Variants in PLB1 observed in about 807,000 individuals in gnomAD.
The protein encoded by PLB1 is phospholipase B1, membrane-associated.
Under a neutral mutation model 227.4 loss-of-function variants are expected in PLB1, and 242 were observed. That is an observed-to-expected ratio of 1.06 (90% CI 0.96 to 1.18). The LOEUF is 1.18. Ranked by LOEUF, PLB1 falls within the 50% of genes most tolerant of loss-of-function variation. The pLI is 0.00. For missense variants in PLB1, 1,858 were observed against 1,816.3 expected (o/e 1.02, Z -0.42); for synonymous variants, 757 against 682.2 (o/e 1.11, Z -1.71).
rs761455415 is a variant in PLB1, at chr2:28,518,430, G to A, written c.118-36G>A. The A allele has an allele frequency of 3.4e-6, 5 of 1,487,728 alleles. No individual in the cohort carries two copies. The Admixed American group carries it at 8.4e-5, about 25-fold the overall frequency. 92.2% of individuals were successfully genotyped at this position (1,487,728 alleles called of 1,614,324 possible). On this transcript the variant is annotated intron_variant, in intron 2 of 57. Transcript: ENST00000327757. ...AGGACCTGCAATATTTCTATACAAGGCAGTTGATGTTTCTGATGTTCGTTT... is the reference window on the plus strand; with the variant it reads ...AGGACCTGCAATATTTCTATACAAGACAGTTGATGTTTCTGATGTTCGTTT...
intron 21 of PLB1, among the ~76,000 whole-genome samples, chr2:28,575,636 T>C (rs1307790786): frequency 6.6e-6 from 1 of 152,168 alleles, no homozygotes; most frequent in Non-Finnish European, 1.5e-5. Flanking sequence ...AGTGGCGCGA[T>C]CTCCACTCCC....
At chr2:28,627,823 TC>T (rs1465953759) in intron 51 of PLB1, among the ~76,000 whole-genome samples, 1 of 152,188 alleles carries the variant, frequency 6.6e-6, no homozygotes, top group African/African-American at 2.4e-5. Context: ...AACTCCCACT[TC>T]CTGTGGACAT....
rs34292939 is a variant in PLB1 at position 28,522,163 on chromosome 2, C to CTT, written c.243+2401_243+2402dup. Among the ~76,000 whole-genome samples, 1,199 of 152,036 alleles carry CTT rather than the reference C, an allele frequency of 7.9e-3. 9 individuals carry two copies. The highest frequency in any genetic ancestry group is 0.027 in the African/African-American group (1,123 of 41,458). Reference sequence around the variant, plus strand: ...ACCACATTTATCAATGCCACCTCTGCTTGAGCACTGGATGAAGCTGGCCAG... The same window carrying CTT: ...ACCACATTTATCAATGCCACCTCTGCTTTTGAGCACTGGATGAAGCTGGCCAG... On this transcript the variant is annotated intron_variant, in intron 4 of 57. Transcript: ENST00000327757.
intron 1 of PLB1, among the ~76,000 whole-genome samples, chr2:28,512,688 C>CTT (rs34213887): frequency 7.1e-4 from 101 of 143,148 alleles, no homozygotes; most frequent in South Asian, 2.2e-3. Flanking sequence ...TTTCTTTCTT[C>CTT]TTTTTTTTTT....
chr2:28,578,294 G>A, intron 22 of PLB1, 136 bp downstream of exon 22: 1 of 804,102 alleles, frequency 1.2e-6, no homozygotes, highest in Non-Finnish European at 2.1e-6. Flanking sequence ...TGCTTCTCTG[G>A]AAAGGGGATT....
intron 1 of PLB1, among the ~76,000 whole-genome samples, chr2:28,505,770 A>C (rs1005741786): frequency 6.6e-6 from 1 of 152,218 alleles, no homozygotes; most frequent in Non-Finnish European, 1.5e-5. Flanking sequence ...AGAAAGGGAT[A>C]TTTGAGAACT....
intron 56 of PLB1, among the ~76,000 whole-genome samples, chr2:28,635,541 C>T (rs72795560): frequency 3.2e-3 from 398 of 124,826 alleles, no homozygotes; most frequent in Non-Finnish European, 6.2e-3. Context: ...CATATATACC[C>T]GGTGAATTCA....
intron 9 of PLB1, 37 bp downstream of exon 9, chr2:28,532,231 G>T (rs374939829): frequency 1.9e-6 from 3 of 1,547,200 alleles, no homozygotes; most frequent in Non-Finnish European, 2.7e-6. Flanking sequence ...GATTACAGAT[G>T]CTGGGGTGGA....
rs2272387 is a variant in PLB1 at position 28,642,894 on chromosome 2, T to C, written c.4210T>C (p.Leu1404=). 0.39 allele frequency: 631,904 copies of C among 1,605,432 alleles called. 125,525 individuals are homozygous for C. The highest frequency in any genetic ancestry group is 0.49 in the African/African-American group (36,570 of 74,856). The stretch of plus-strand genomic sequence containing the variant: ...CCTCTACACCCTGCGGAACAGCCGA[T>C]TGCTCCCAGACCAGGCTGAAGAAGC... ...PYLYTLRNSR[L]LPDQAEEAPE... The change falls in exon 58 of 58, where the codon TTG becomes CTG. Residue 1404 remains leucine, a synonymous_variant. Coordinates refer to ENST00000327757, the MANE Select transcript of PLB1 (RefSeq NM_153021.5).
At chr2:28,582,994 T>TCAAA (rs1483198189) in intron 25 of PLB1, among the ~76,000 whole-genome samples, 1 of 151,708 alleles carries the variant, frequency 6.6e-6, no homozygotes, top group African/African-American at 2.4e-5. Flanking sequence ...GAGAAGGAGG[T>TCAAA]CAAACCAGAA....
At chr2:28,631,449 C>T (rs992944272) in intron 54 of PLB1, among the ~76,000 whole-genome samples, 2 of 152,220 alleles carry the variant, frequency 1.3e-5, no homozygotes, top group Non-Finnish European at 2.9e-5. Context: ...CCTAAAAGCC[C>T]CAAAGGGTTC....
intron 4 of PLB1, among the ~76,000 whole-genome samples, chr2:28,522,866 A>G (rs1394107164): frequency 6.6e-6 from 1 of 152,192 alleles, no homozygotes; most frequent in Admixed American, 6.5e-5. Context: ...GTCCTAAGAG[A>G]GAGAGGGCCA....
intron 20 of PLB1, among the ~76,000 whole-genome samples, chr2:28,568,739 A>C (rs1375991268): frequency 6.6e-6 from 1 of 152,234 alleles, no homozygotes; most frequent in African/African-American, 2.4e-5. Context: ...GAAAATAAAC[A>C]TAGAGGCTGT....
chr2:28,607,149 T>C (rs1030306537), intron 43 of PLB1, among the ~76,000 whole-genome samples: 1 of 152,148 alleles, frequency 6.6e-6, no homozygotes, highest in African/African-American at 2.4e-5. Context: ...TAAGCTTGAC[T>C]TCAGGCCTGG....
At chr2:28,631,232 C>G (rs1688595359) in intron 54 of PLB1, among the ~76,000 whole-genome samples, 3 of 152,104 alleles carry the variant, frequency 2.0e-5, no homozygotes, top group Admixed American at 1.3e-4. Flanking sequence ...TGCCCTCTCT[C>G]TGCCCCCTTC....
intron 9 of PLB1, among the ~76,000 whole-genome samples, chr2:28,533,913 C>A (rs1671340446): frequency 6.6e-6 from 1 of 152,204 alleles, no homozygotes; most frequent in Non-Finnish European, 1.5e-5. Flanking sequence ...AAGCAATACA[C>A]AAATATTTTC....
chr2:28,540,222 A>ATG, intron 11 of PLB1, 144 bp from the exon 12 acceptor site: 3 of 661,008 alleles, frequency 4.5e-6, no homozygotes, highest in Non-Finnish European at 8.1e-6. Flanking sequence ...CTCAACATTT[A>ATG]TGTCCTCTAA....
intron 43 of PLB1, among the ~76,000 whole-genome samples, chr2:28,613,706 G>A (rs1326987474): frequency 6.6e-6 from 1 of 152,102 alleles, no homozygotes; most frequent in Non-Finnish European, 1.5e-5. Flanking sequence ...TGAATCCCTT[G>A]CTAGAGAAAT....
chr2:28,517,975 G>A (rs772944357), intron 2 of PLB1, among the ~76,000 whole-genome samples: 20 of 151,230 alleles, frequency 1.3e-4, no homozygotes, highest in Non-Finnish European at 2.7e-4. Flanking sequence ...CCCGGTTCAA[G>A]TGATTCTCGT....
Sources: allele counts gnomAD v4.1 joint callset (sites outside exome capture counted in the v4.1 genomes callset), GRCh38; gene constraint gnomAD v4.1.1; transcripts MANE v1.5; gene names NCBI Gene and HGNC (gene_info 2026-07-23, HGNC 2026-07-21).